The following FCHO1 variants were observed in gnomAD, a reference collection of about 807,000 sequenced individuals.
The protein encoded by FCHO1 is FCH and mu domain containing endocytic adaptor 1, also known as F-BAR domain only protein 1.
A neutral mutation model predicts 114.4 loss-of-function variants in FCHO1; 45 were observed. The observed-to-expected ratio is 0.39, with a 90% CI of 0.31 to 0.50. The LOEUF is 0.50. FCHO1 is among the 20% of genes least tolerant of loss of function. The pLI is 0.77. For synonymous variants in FCHO1, 480 were observed against 488.9 expected (o/e 0.98, Z 0.24); for missense variants, 1,042 against 1,209.6 (o/e 0.86, Z 2.06).
chr19:17,755,064 C>A, intron 3 of FCHO1, 54 bp from the exon 4 acceptor site: 1 of 1,142,164 alleles, frequency 8.8e-7, no homozygotes, highest in Non-Finnish European at 1.3e-6. Context: ...ACTTTCCCCC[C>A]ACCAAGCCCA....
intron 1 of FCHO1, 176 bp from the exon 2 acceptor site, chr19:17,754,141 T>G (rs528175526): frequency 6.6e-6 from 1 of 152,308 alleles, no homozygotes; most frequent in Non-Finnish European, 1.5e-5. Flanking sequence ...GAGCTGCCTG[T>G]GGGGTCATGA....
chr19:17,757,915 C>CA (rs71162192), intron 4 of FCHO1, among the ~76,000 whole-genome samples: 1,678 of 77,696 alleles, frequency 0.022, 25 homozygotes, highest in African/African-American at 0.04. Context: ...GACCCTGTCT[C>CA]AAAAAAAAAA....
At chr19:17,778,079 A>G in intron 18 of FCHO1, 58 bp from the exon 19 acceptor site, 1 of 1,268,618 alleles carries the variant, frequency 7.9e-7, no homozygotes, top group South Asian at 1.2e-5. Flanking sequence ...CAAAGGCCCC[A>G]GGGTGGGATG....
chr19:17,776,319 G>A lies in FCHO1; in HGVS notation c.1207+48G>A, dbSNP rs374684005. 8.7e-6 allele frequency: 14 copies of A among 1,612,176 alleles called. No homozygotes were observed. The African/African-American group carries it at 1.5e-4, about 17-fold the overall frequency. On this transcript the variant is annotated intron_variant, in intron 17 of 28. Coordinates refer to ENST00000596536, the MANE Select transcript of FCHO1 (RefSeq NM_015122.3). This position sits in a 1 kb window ranked among gnomAD's most constrained non-coding sequence, Gnocchi z 4.4. Reference sequence around the variant, plus strand: ...AGTGGGGAGGATCCTAAGGAAGGGAGGCTATGGGTTTGGGCTTGAATCATA... The same window carrying A: ...AGTGGGGAGGATCCTAAGGAAGGGAAGCTATGGGTTTGGGCTTGAATCATA...
chr19:17,760,411 C>T (rs2085643112), intron 4 of FCHO1, among the ~76,000 whole-genome samples: 1 of 152,080 alleles, frequency 6.6e-6, no homozygotes, highest in Non-Finnish European at 1.5e-5. Context: ...TCCCAGGTGA[C>T]AGAATCTGGC....
intron 26 of FCHO1, among the ~76,000 whole-genome samples, chr19:17,785,309 TC>T (rs1652550534): frequency 6.6e-6 from 1 of 152,196 alleles, no homozygotes; most frequent in Admixed American, 6.5e-5. Flanking sequence ...AATCTCCGCC[TC>T]CCGGGTTCAA....
At position 17,781,274 on chromosome 19, in the gene FCHO1, G is replaced by A. The variant is rs746960353; in HGVS notation, c.1671G>A (p.Leu557=). ...APADPTAREG[L]AAPPRRLRSR... is the part of the protein sequence containing the mutation. The stretch of plus-strand genomic sequence containing the variant: ...CTGACCCCACAGCCAGGGAGGGCCT[G>A]GCAGCCCCACCCAGGAGACTTCGCT... The change falls in exon 21 of 29, where the codon CTG becomes CTA. Residue 557 remains leucine (L), a synonymous_variant. Transcript: ENST00000596536. 10 of 1,613,970 alleles carry A rather than the reference G, an allele frequency of 6.2e-6. No homozygotes were observed. The highest frequency in any genetic ancestry group is 8.5e-6 in the Non-Finnish European group (10 of 1,179,934).
chr19:17,772,445 C>T lies in FCHO1; in HGVS notation c.595-12C>T. The stretch of plus-strand genomic sequence containing the variant: ...GACCTCCTTTCCACCTGCCTCTGCC[C>T]TCCTGCTTCAGCGCTTCCAAGCCAT... On this transcript the variant is annotated splice_polypyrimidine_tract_variant and intron_variant, in intron 9 of 28. Transcript: ENST00000596536. 3.1e-6 allele frequency: 5 copies of T among 1,611,970 alleles called. No homozygotes were observed. Among genetic ancestry groups the T allele is most frequent in the African/African-American group, 1.3e-5 (1 of 74,976 alleles).
chr19:17,764,908 T>A (rs921699336), intron 6 of FCHO1, among the ~76,000 whole-genome samples: 2 of 151,398 alleles, frequency 1.3e-5, no homozygotes, highest in East Asian at 3.9e-4. Flanking sequence ...CTACTAAAAA[T>A]ACAAAATTAG....
intron 7 of FCHO1, among the ~76,000 whole-genome samples, chr19:17,769,364 C>T (rs1032920119): frequency 6.6e-6 from 1 of 150,862 alleles, no homozygotes; most frequent in Non-Finnish European, 1.5e-5. Flanking sequence ...ATCACGAGGT[C>T]AGGAGATCGA....
At chr19:17,782,629 A>G (rs189441186) in intron 23 of FCHO1, among the ~76,000 whole-genome samples, 5 of 152,180 alleles carry the variant, frequency 3.3e-5, no homozygotes, top group African/African-American at 1.2e-4. Context: ...GTTAGGGACA[A>G]GCGGAGTGCA....
intron 18 of FCHO1, among the ~76,000 whole-genome samples, chr19:17,777,335 G>A (rs954811681): frequency 1.3e-5 from 2 of 151,470 alleles, no homozygotes; most frequent in African/African-American, 2.4e-5. Context: ...TCGAGAGTTC[G>A]AGACCAGCCT....
chr19:17,748,637 G>C (rs890926493), upstream of FCHO1, among the ~76,000 whole-genome samples: 3 of 151,572 alleles, frequency 2.0e-5, no homozygotes, highest in Non-Finnish European at 2.9e-5. Flanking sequence ...GAGGAGGCTT[G>C]GGGGGTGGGG....
chr19:17,774,869 A>G (rs1050106810), intron 13 of FCHO1, 187 bp from the exon 14 acceptor site: 15 of 621,772 alleles, frequency 2.4e-5, no homozygotes, highest in Non-Finnish European at 3.7e-5. Context: ...AACACTCTCT[A>G]CTCAGCTAAC....
At chr19:17,769,711 C>T (rs770365592) in intron 7 of FCHO1, among the ~76,000 whole-genome samples, 3 of 152,016 alleles carry the variant, frequency 2.0e-5, no homozygotes, top group South Asian at 2.1e-4. Flanking sequence ...TATCCATATG[C>T]GGATTATTTC....
upstream of FCHO1, among the ~76,000 whole-genome samples, chr19:17,750,772 C>A (rs1568306945): frequency 1.3e-5 from 2 of 151,142 alleles, no homozygotes; most frequent in Admixed American, 6.6e-5. Flanking sequence ...TTTTAAATTT[C>A]TTTTGTAGTG....
chr19:17,761,100 A>G (rs2085959080), intron 4 of FCHO1, among the ~76,000 whole-genome samples: 1 of 152,232 alleles, frequency 6.6e-6, no homozygotes, highest in Non-Finnish European at 1.5e-5. Flanking sequence ...GCACCAGGGT[A>G]GAAATACTCA....
At position 17,775,196 on chromosome 19, in the gene FCHO1, G is replaced by C. The variant is rs935852683; in HGVS notation, c.945+116G>C. ...CTAAAGAGCCGAGATTGAGGGGCGGGCTGGAGCCTGGGGGCTGGGTTCATA... is the reference window on the plus strand; with the variant it reads ...CTAAAGAGCCGAGATTGAGGGGCGGCCTGGAGCCTGGGGGCTGGGTTCATA... On this transcript the variant is annotated intron_variant, in intron 14 of 28. Transcript: ENST00000596536. The surrounding 1 kb of genome is among the most constrained non-coding windows in gnomAD (Gnocchi z 5.1). The C allele has an allele frequency of 1.8e-5, 22 of 1,223,396 alleles. No homozygotes were observed. Among genetic ancestry groups the C allele is most frequent in the Non-Finnish European group, 2.3e-5 (20 of 865,504 alleles). The allele number at this position is 1,223,396 out of a possible 1,614,324, so 75.8% of individuals were successfully genotyped here.
chr19:17,784,005 G>C lies in FCHO1; in HGVS notation c.2094-98G>C. ...TAGGGCTTTGCTGGGCCCAGGGTGG[G>C]CCAGGAAATTGCATCTTTAGGAAGG... On this transcript the variant is annotated intron_variant, in intron 24 of 28. Transcript: ENST00000596536. This position sits in a 1 kb window ranked among gnomAD's most constrained non-coding sequence, Gnocchi z 5.3. 1 of 1,456,826 alleles carries C rather than the reference G, an allele frequency of 6.9e-7. No individual in the cohort carries two copies. 90.2% of individuals were successfully genotyped at this position (1,456,826 alleles called of 1,614,324 possible).
Sources: allele counts gnomAD v4.1 joint callset (sites outside exome capture counted in the v4.1 genomes callset), GRCh38; gene constraint gnomAD v4.1.1; non-coding constraint Gnocchi (gnomAD v3.1); transcripts MANE v1.5; gene names NCBI Gene and HGNC (gene_info 2026-07-23, HGNC 2026-07-21).